The following WWOX variants were observed in gnomAD, a reference collection of about 807,000 sequenced individuals.
WWOX encodes WW domain containing oxidoreductase.
Under a neutral mutation model 46.2 loss-of-function variants are expected in WWOX, and 69 were observed. The observed-to-expected ratio is 1.49, with a 90% CI of 1.23 to 1.82. WWOX has a LOEUF of 1.82. Among genes scored for constraint, WWOX ranks in the 40% most tolerant of loss-of-function variants. The probability of loss-of-function intolerance (pLI) is 0.00; values close to 1 mark genes in which losing one functional copy is unlikely to be tolerated. For synonymous variants in WWOX, 359 were observed against 202.6 expected, an observed-to-expected ratio of 1.77 and a Z score of -6.56; for missense variants, 919 against 542.6, an observed-to-expected ratio of 1.69 and a Z score of -6.89.
At chr16:78,847,413 T>A (rs1019054061) in intron 8 of WWOX, among the ~76,000 whole-genome samples, 4 of 152,224 alleles carry the variant, frequency 2.6e-5, no homozygotes. Context: ...GTATCTATTA[T>A]AAATTATATA....
At chr16:78,665,660 C>T (rs759046139) in intron 8 of WWOX, among the ~76,000 whole-genome samples, 9 of 152,048 alleles carry the variant, frequency 5.9e-5, no homozygotes, top group Admixed American at 2.6e-4. Context: ...CTGAGCTGAC[C>T]CAAGACACAC....
chr16:78,517,118 A>G (rs192474096), intron 8 of WWOX, among the ~76,000 whole-genome samples: 1 of 152,336 alleles, frequency 6.6e-6, no homozygotes, highest in East Asian at 1.9e-4. Context: ...CCATCCTTCA[A>G]ATATGAAGCA....
chr16:78,699,906 G>T (rs893278200), intron 8 of WWOX, among the ~76,000 whole-genome samples: 1 of 152,152 alleles, frequency 6.6e-6, no homozygotes, highest in East Asian at 1.9e-4. Flanking sequence ...GCATTGTCCC[G>T]TCCCTATGAG....
intron 8 of WWOX, among the ~76,000 whole-genome samples, chr16:79,184,121 G>A (rs901242909): frequency 6.6e-6 from 1 of 152,146 alleles, no homozygotes; most frequent in African/African-American, 2.4e-5. Flanking sequence ...CACAATCACT[G>A]AAAAATCTTC....
chr16:79,007,227 G>T (rs141365553), intron 8 of WWOX, among the ~76,000 whole-genome samples: 3 of 152,170 alleles, frequency 2.0e-5, no homozygotes, highest in Admixed American at 1.3e-4. Context: ...TGTAAGTTGT[G>T]TGGGTGAAAT....
rs577571173 is a variant in WWOX at position 78,402,761 on chromosome 16, A to G, written c.605+15813A>G. ...CTAAGTTGGGTTCAATTATTTTGTT[A>G]AAGCGTTTTGCTTATTTGACTTCTC... On this transcript the variant is annotated intron_variant, in intron 6 of 8. Coordinates refer to ENST00000566780, the MANE Select transcript of WWOX (RefSeq NM_016373.4). Among the ~76,000 whole-genome samples the G allele has an allele frequency of 2.7e-3, 405 of 152,304 alleles. 1 individual carries two copies. The highest frequency in any genetic ancestry group is 9.1e-3 in the African/African-American group (379 of 41,568).
intron 8 of WWOX, among the ~76,000 whole-genome samples, chr16:78,690,696 G>T (rs1449453754): frequency 1.3e-5 from 2 of 152,024 alleles, no homozygotes; most frequent in East Asian, 3.9e-4. Context: ...CCTCCATCTG[G>T]GTGCTTTCCA....
At chr16:78,168,554 G>T (rs1319258719) in intron 5 of WWOX, 1 of 151,672 alleles carries the variant, frequency 6.6e-6, no homozygotes, top group Non-Finnish European at 1.5e-5. Flanking sequence ...TGGTCCATCT[G>T]GCTTCCAAAC....
At chr16:78,844,094 G>C (rs757573443) in intron 8 of WWOX, among the ~76,000 whole-genome samples, 13 of 152,194 alleles carry the variant, frequency 8.5e-5, no homozygotes, top group Non-Finnish European at 1.6e-4. Flanking sequence ...GGTCTAAGGT[G>C]ACGCTGGGTG....
chr16:78,354,505 TG>T (rs1160491159), intron 5 of WWOX, among the ~76,000 whole-genome samples: 1 of 152,174 alleles, frequency 6.6e-6, no homozygotes, highest in Non-Finnish European at 1.5e-5. Context: ...TTGTATAAAC[TG>T]GCAATTACAA....
Position 78,881,590 on chromosome 16 carries a change from A to G in WWOX, c.1057-330018A>G, listed in dbSNP as rs1157939953. On this transcript the variant is annotated intron_variant, in intron 8 of 8. Coordinates refer to ENST00000566780, the MANE Select transcript of WWOX (RefSeq NM_016373.4). ...ATTGCTGTCTAGCTTTAAGATCAAG[A>G]GTAATTGTGACTTGATGTAAGGTAT... Among the ~76,000 whole-genome samples, 3 of 152,182 alleles carry G rather than the reference A, an allele frequency of 2.0e-5. No individual in the cohort carries two copies. The East Asian group carries it at 5.8e-4, about 29-fold the overall frequency.
chr16:78,846,716 T>A (rs2052308099), intron 8 of WWOX, among the ~76,000 whole-genome samples: 1 of 152,160 alleles, frequency 6.6e-6, no homozygotes, highest in Non-Finnish European at 1.5e-5. Context: ...AATTAATAAA[T>A]ATATTGGGGG....
intron 8 of WWOX, among the ~76,000 whole-genome samples, chr16:78,513,385 G>A (rs1185293785): frequency 6.6e-6 from 1 of 152,152 alleles, no homozygotes; most frequent in Non-Finnish European, 1.5e-5. Flanking sequence ...GATTGAGATA[G>A]GGTATCCACT....
chr16:78,395,497 G>C (rs1262459982), intron 6 of WWOX, among the ~76,000 whole-genome samples: 1 of 152,100 alleles, frequency 6.6e-6, no homozygotes, highest in Non-Finnish European at 1.5e-5. Flanking sequence ...GGGCAACAGA[G>C]CCAGAACCTG....
intron 8 of WWOX, among the ~76,000 whole-genome samples, chr16:79,023,897 A>C (rs2047585151): frequency 6.6e-6 from 1 of 152,164 alleles, no homozygotes; most frequent in South Asian, 2.1e-4. Flanking sequence ...CAGAGGTTGC[A>C]GTGAGACAAG....
At chr16:78,797,629 G>T (rs79841510) in intron 8 of WWOX, among the ~76,000 whole-genome samples, 2,835 of 152,206 alleles carry the variant, frequency 0.019, 73 homozygotes, top group East Asian at 0.055. Flanking sequence ...AAAATAGGAA[G>T]ATTCGTCCAG....
chr16:79,033,929 T>A (rs1452140800), intron 8 of WWOX, among the ~76,000 whole-genome samples: 1 of 152,216 alleles, frequency 6.6e-6, no homozygotes, highest in Non-Finnish European at 1.5e-5. Context: ...CTAGACCATG[T>A]CACAGGGATG....
At chr16:79,071,316 C>T (rs928442813) in intron 8 of WWOX, among the ~76,000 whole-genome samples, 73 of 152,278 alleles carry the variant, frequency 4.8e-4, no homozygotes, top group African/African-American at 1.6e-3. Context: ...AGAAAACATA[C>T]TCTGAGCTTT....
intron 5 of WWOX, among the ~76,000 whole-genome samples, chr16:78,366,342 A>G (rs2081536272): frequency 6.6e-6 from 1 of 152,212 alleles, no homozygotes. Context: ...GCCTATCCAC[A>G]CATCCTTAAC....
Sources: gnomAD v4.1 joint callset for allele counts (sites outside exome capture counted in the v4.1 genomes callset) on GRCh38, gnomAD v4.1.1 for gene constraint, MANE v1.5 for transcripts, NCBI Gene and HGNC (gene_info 2026-07-23, HGNC 2026-07-21) for gene names.